The following TSGA10 variants were observed in gnomAD, a reference collection of about 807,000 sequenced individuals.
The protein encoded by TSGA10 is testis-specific gene 10 protein.
In TSGA10, 43 loss-of-function variants were observed where a neutral mutation model predicts 96.6. That is an observed-to-expected ratio of 0.44 (90% CI 0.35 to 0.57). The LOEUF is 0.57. TSGA10 is among the 20% of genes least tolerant of loss of function. The probability of loss-of-function intolerance (pLI) is 0.01; values close to 1 mark genes in which losing one functional copy is unlikely to be tolerated. For missense variants in TSGA10, 703 were observed against 834.4 expected (o/e 0.84, Z 1.94); for synonymous variants, 229 against 269.9 (o/e 0.85, Z 1.48).
At chr2:99,072,804 T>C (rs147366051) in intron 13 of TSGA10, among the ~76,000 whole-genome samples, 257 of 152,332 alleles carry the variant, frequency 1.7e-3, no homozygotes, top group Middle Eastern at 6.8e-3. Context: ...TTCTTTGCTA[T>C]TCTTTCTACT....
At chr2:99,047,104 C>A (rs1325464883) in intron 16 of TSGA10, among the ~76,000 whole-genome samples, 1 of 152,106 alleles carries the variant, frequency 6.6e-6, no homozygotes, top group Non-Finnish European at 1.5e-5. Flanking sequence ...CAAAAAAAGT[C>A]CAGGACCAGA....
chr2:99,029,033 G>T (rs991356545), intron 17 of TSGA10, among the ~76,000 whole-genome samples: 1 of 152,014 alleles, frequency 6.6e-6, no homozygotes, highest in Admixed American at 6.6e-5. Flanking sequence ...CTATGCAAAA[G>T]AACACAAAAA....
At chr2:99,028,893 T>C (rs2080891434) in intron 17 of TSGA10, among the ~76,000 whole-genome samples, 1 of 152,222 alleles carries the variant, frequency 6.6e-6, no homozygotes, top group Admixed American at 6.5e-5. Context: ...ATCTTAAGGA[T>C]ATAATGCAAA....
chr2:99,103,081 TA>T (rs538726196), intron 10 of TSGA10, among the ~76,000 whole-genome samples: 55,874 of 126,720 alleles, frequency 0.44, 11,444 homozygotes, highest in African/African-American at 0.56. Context: ...GTTTTATGAC[TA>T]AAAAAAAAAA....
chr2:99,040,754 C>A (rs1225759568), intron 16 of TSGA10, among the ~76,000 whole-genome samples: 5 of 150,890 alleles, frequency 3.3e-5, no homozygotes, highest in Admixed American at 6.6e-5. Flanking sequence ...CTTCATAGAA[C>A]CAGAAAAAAA....
At chr2:99,042,305 C>G (rs75906647) in intron 16 of TSGA10, among the ~76,000 whole-genome samples, 2,755 of 152,184 alleles carry the variant, frequency 0.018, 87 homozygotes, top group African/African-American at 0.063. Context: ...CATTCTAGAA[C>G]AGAAATGACT....
At chr2:99,053,230 A>G (rs1355698040) in intron 16 of TSGA10, among the ~76,000 whole-genome samples, 1 of 152,148 alleles carries the variant, frequency 6.6e-6, no homozygotes, top group Non-Finnish European at 1.5e-5. Flanking sequence ...AGAAGGGAAG[A>G]CTTCCAAATT....
chr2:99,102,532 T>C, intron 10 of TSGA10: 2 of 1,614,178 alleles, frequency 1.2e-6, no homozygotes, highest in Admixed American at 1.7e-5. Context: ...TTTGATGAGA[T>C]TGACCAGGCT....
rs975707497 is a variant in TSGA10, at chr2:99,140,866, C to T, written c.-620-13690G>A. Among the ~76,000 whole-genome samples the T allele has an allele frequency of 3.9e-5, 6 of 152,194 alleles. No homozygotes were observed. The East Asian group carries it at 9.7e-4, about 25-fold the overall frequency. On this transcript the variant is annotated intron_variant, in intron 1 of 20. Transcript: ENST00000393483. ...GTGACCATAGGAACTGGGCTCAAAC[C>T]TAACCTCCCAAGAAACAGGGGCAAC...
In TSGA10 at chr2:99,137,553, T is replaced by C. The variant is rs190756295; in HGVS notation, c.-620-10377A>G. On this transcript the variant is annotated intron_variant, in intron 1 of 20. Transcript: ENST00000393483. ...TTTTTGAGCCAGGATCATCTTATTA[T>C]AATTTTCTTTTTCATTTTTTTTTCC... Among the ~76,000 whole-genome samples, 11 of 139,260 alleles carry C rather than the reference T, an allele frequency of 7.9e-5. No individual in the cohort carries two copies. In the East Asian group the frequency reaches 2.3e-3, roughly 29 times the overall value. The allele number at this position is 139,260 out of a possible 152,430, so 91.4% of individuals were successfully genotyped here.
intron 14 of TSGA10, among the ~76,000 whole-genome samples, chr2:99,070,794 A>C (rs1355870992): frequency 1.3e-5 from 2 of 152,134 alleles, no homozygotes. Context: ...ATTTACAGAA[A>C]AGTTGTGAAG....
chr2:99,074,882 C>T (rs111951664), intron 12 of TSGA10, among the ~76,000 whole-genome samples: 23 of 151,578 alleles, frequency 1.5e-4, no homozygotes, highest in African/African-American at 5.3e-4. Context: ...CACTTGAACT[C>T]GGGTGGCGAG....
At position 99,102,241 on chromosome 2, in the gene TSGA10, T is replaced by G; in HGVS notation, c.611+1726A>C. The G allele has an allele frequency of 2.5e-6, 4 of 1,612,330 alleles. No individual in the cohort carries two copies. In the South Asian group the frequency reaches 3.3e-5, roughly 13 times the overall value. On this transcript the variant is annotated intron_variant, in intron 10 of 20. Transcript: ENST00000393483. ...TTCAGTGAAGTATTCCAGAAGTTAG[T>G]ACCTGGTGGCAAAGCTACTTTGGTG...
intron 1 of TSGA10, among the ~76,000 whole-genome samples, chr2:99,128,978 G>A (rs1035281996): frequency 2.0e-5 from 3 of 152,102 alleles, no homozygotes; most frequent in Non-Finnish European, 4.4e-5. Context: ...TAACTCCTGG[G>A]CTCAAGAGAT....
intron 1 of TSGA10, among the ~76,000 whole-genome samples, chr2:99,149,604 G>A (rs548190398): frequency 2.7e-5 from 4 of 148,980 alleles, no homozygotes; most frequent in South Asian, 2.1e-4. Context: ...CACCACGCCC[G>A]GCTAATTCTT....
chr2:99,150,207 C>T (rs1279326040), intron 1 of TSGA10, among the ~76,000 whole-genome samples: 2 of 152,114 alleles, frequency 1.3e-5, no homozygotes, highest in African/African-American at 4.8e-5. Context: ...AAAGAGGTTT[C>T]GCTAGCAAGA....
chr2:99,059,571 G>A (rs539459540), intron 16 of TSGA10, among the ~76,000 whole-genome samples: 12 of 151,630 alleles, frequency 7.9e-5, no homozygotes, highest in East Asian at 1.9e-4. Context: ...CCTGGGAGGC[G>A]GAAGTTGCAG....
At chr2:99,128,348 C>T (rs185161633) in intron 1 of TSGA10, among the ~76,000 whole-genome samples, 1 of 152,344 alleles carries the variant, frequency 6.6e-6, no homozygotes, top group East Asian at 1.9e-4. Flanking sequence ...AGCATTTAAA[C>T]CCCCAGGGGC....
At chr2:99,014,586 G>A (rs1247585704) in intron 20 of TSGA10, among the ~76,000 whole-genome samples, 1 of 152,034 alleles carries the variant, frequency 6.6e-6, no homozygotes, top group African/African-American at 2.4e-5. Flanking sequence ...GAAGGAACTA[G>A]AGAAACAAGA....
Sources: allele counts gnomAD v4.1 joint callset (sites outside exome capture counted in the v4.1 genomes callset), GRCh38; gene constraint gnomAD v4.1.1; transcripts MANE v1.5; gene names NCBI Gene and HGNC (gene_info 2026-07-23, HGNC 2026-07-21).